Variants in ADAM22 observed in about 807,000 individuals in gnomAD.
ADAM22 encodes disintegrin and metalloproteinase domain-containing protein 22.
A neutral mutation model predicts 144.6 loss-of-function variants in ADAM22; 65 were observed. The ratio of observed to expected loss-of-function variants is 0.45; its 90% CI spans 0.37 to 0.55. ADAM22 has a LOEUF of 0.55. Among genes scored for constraint, ADAM22 ranks in the 20% least tolerant of loss-of-function variants. The pLI is 0.00. For synonymous variants in ADAM22, 391 were observed against 412.6 expected (o/e 0.95, Z 0.63); for missense variants, 974 against 1,184.9 (o/e 0.82, Z 2.61).
intron 3 of ADAM22, among the ~76,000 whole-genome samples, chr7:88,044,124 T>C (rs1378923801): frequency 6.6e-6 from 1 of 152,256 alleles, no homozygotes; most frequent in Non-Finnish European, 1.5e-5. Flanking sequence ...AAAATGATTT[T>C]CAAAATTGTA....
At position 88,170,475 on chromosome 7, in the gene ADAM22, A is replaced by C. The variant is rs553096027; in HGVS notation, c.2283-1069A>C. Reference sequence around the variant, plus strand: ...GAATTAAAAAAAAAAATAAAGTAGAATGCTCATTTGGAACCGTATGGCTCA... The same window carrying C: ...GAATTAAAAAAAAAAATAAAGTAGACTGCTCATTTGGAACCGTATGGCTCA... On this transcript the variant is annotated intron_variant, in intron 25 of 31. Transcript: ENST00000413139. Among the ~76,000 whole-genome samples the C allele has an allele frequency of 5.9e-5, 9 of 152,024 alleles. No individual in the cohort carries two copies. In the East Asian group the frequency reaches 1.7e-3, roughly 29 times the overall value.
intron 3 of ADAM22, among the ~76,000 whole-genome samples, chr7:88,007,874 G>A (rs1407062084): frequency 6.6e-6 from 1 of 152,158 alleles, no homozygotes; most frequent in East Asian, 1.9e-4. Context: ...AGAAGCAATG[G>A]CAACAAAAGC....
intron 4 of ADAM22, among the ~76,000 whole-genome samples, chr7:88,082,827 G>A (rs1254005356): frequency 6.6e-6 from 1 of 152,058 alleles, no homozygotes; most frequent in Non-Finnish European, 1.5e-5. Flanking sequence ...TCATTAAAAA[G>A]TCAGGAAACA....
At chr7:88,078,124 A>T (rs1321986714) in intron 4 of ADAM22, among the ~76,000 whole-genome samples, 1 of 152,202 alleles carries the variant, frequency 6.6e-6, no homozygotes, top group African/African-American at 2.4e-5. Flanking sequence ...CTGACACCTC[A>T]CACAGCTGGG....
At chr7:88,064,767 C>T (rs1234157645) in intron 3 of ADAM22, among the ~76,000 whole-genome samples, 1 of 152,094 alleles carries the variant, frequency 6.6e-6, no homozygotes, top group Admixed American at 6.6e-5. Context: ...CTCCCAAAGG[C>T]CTCACCTCTT....
At chr7:88,084,690 G>A (rs190503811) in intron 4 of ADAM22, among the ~76,000 whole-genome samples, 145 of 152,214 alleles carry the variant, frequency 9.5e-4, no homozygotes, top group Non-Finnish European at 1.5e-3. Flanking sequence ...AATCAAAGTT[G>A]TAACGTTTTA....
At chr7:88,113,130 T>C (rs1356219395) in intron 5 of ADAM22, among the ~76,000 whole-genome samples, 2 of 148,146 alleles carry the variant, frequency 1.4e-5, no homozygotes, top group African/African-American at 5.0e-5. Flanking sequence ...TTTTTTTTTT[T>C]TTTTTTTTTT....
intron 4 of ADAM22, among the ~76,000 whole-genome samples, chr7:88,100,871 C>A (rs1464371240): frequency 6.6e-6 from 1 of 151,848 alleles, no homozygotes; most frequent in African/African-American, 2.4e-5. Context: ...GGGCAGGTTC[C>A]TGATGTTGAT....
At chr7:87,942,324 A>G (rs1842635955) in intron 2 of ADAM22, among the ~76,000 whole-genome samples, 1 of 152,230 alleles carries the variant, frequency 6.6e-6, no homozygotes, top group African/African-American at 2.4e-5. Context: ...CTTGATGTAC[A>G]TTAATTCATT....
rs1311230320 is a variant in ADAM22, at chr7:88,165,750, T to A, written c.2077-82T>A. 7 of 923,572 alleles carry A rather than the reference T, an allele frequency of 7.6e-6. No homozygotes were observed. The East Asian group carries it at 1.9e-4, about 25-fold the overall frequency. The allele number at this position is 923,572 out of a possible 1,614,324, so 57.2% of individuals were successfully genotyped here. On this transcript the variant is annotated intron_variant, in intron 23 of 31. Coordinates refer to ENST00000413139, the MANE Select transcript of ADAM22 (RefSeq NM_001324418.2). ...TTGGAATTACCACATTCTAAGCATA[T>A]AATAATAAGAAATTAGTGTTTATTT...
chr7:88,089,883 G>T (rs1348379162), intron 4 of ADAM22: 1 of 152,140 alleles, frequency 6.6e-6, no homozygotes, highest in Non-Finnish European at 1.5e-5. Flanking sequence ...CATTTTAAGG[G>T]CCGGCTGATG....
intron 2 of ADAM22, among the ~76,000 whole-genome samples, chr7:87,970,784 G>C (rs1380743938): frequency 6.6e-6 from 1 of 152,026 alleles, no homozygotes; most frequent in East Asian, 1.9e-4. Context: ...TAATAAATAG[G>C]CTCCAATCTG....
intron 7 of ADAM22, among the ~76,000 whole-genome samples, chr7:88,125,066 T>C (rs1192595382): frequency 6.6e-6 from 1 of 152,018 alleles, no homozygotes; most frequent in Non-Finnish European, 1.5e-5. Context: ...AGTTGATGTA[T>C]AATTTTCACA....
At chr7:87,948,780 C>T (rs1036562790) in intron 2 of ADAM22, among the ~76,000 whole-genome samples, 4 of 152,070 alleles carry the variant, frequency 2.6e-5, no homozygotes, top group African/African-American at 9.7e-5. Context: ...GGGATTGGGG[C>T]GCCGATAACT....
At position 88,193,113 on chromosome 7, in the gene ADAM22, C is replaced by T. The variant is rs1475130069; in HGVS notation, c.2751-3C>T. On this transcript the variant is annotated splice_polypyrimidine_tract_variant and splice_region_variant and intron_variant, in intron 30 of 31. Transcript: ENST00000413139. Reference sequence around the variant, plus strand: ...TACTTAATTCATGTTCTCAACATCTCAGGACTTTATCTCCTGCCAAGTCTC... The same window carrying T: ...TACTTAATTCATGTTCTCAACATCTTAGGACTTTATCTCCTGCCAAGTCTC... 14 of 1,613,922 alleles carry T rather than the reference C, an allele frequency of 8.7e-6. No homozygotes were observed. The highest frequency in any genetic ancestry group is 1.2e-5 in the Non-Finnish European group (14 of 1,179,894).
At chr7:87,950,371 G>C (rs1844747126) in intron 2 of ADAM22, among the ~76,000 whole-genome samples, 2 of 142,014 alleles carry the variant, frequency 1.4e-5, no homozygotes, top group South Asian at 4.5e-4. Context: ...TCCCATCTAT[G>C]AGTGAGAACA....
chr7:87,935,142 G>T lies in ADAM22; in HGVS notation c.202G>T (p.Asp68Tyr), dbSNP rs1340142898. 2 of 1,612,986 alleles carry T rather than the reference G, an allele frequency of 1.2e-6. No homozygotes were observed. The highest frequency in any genetic ancestry group is 2.2e-5 in the South Asian group (2 of 91,030). The change falls in exon 2 of 32, where the codon GAC becomes TAC. Residue 68 changes from aspartate (D) to tyrosine (Y), a missense_variant. Asp to Tyr is a radical substitution (Grantham distance 160). Around this residue, in one of 2 missense-constraint regions of ADAM22, gnomAD observed 240 missense variants for 234.3 expected, o/e 1.02. Coordinates refer to ENST00000413139, the MANE Select transcript of ADAM22 (RefSeq NM_001324418.2). ...RSGGEDESRH[D>Y]ALDTRVRGDL... is the part of the protein sequence containing the mutation. Reference sequence around the variant, plus strand: ...GGGCGGCGAAGACGAAAGTCGGCACGACGCGCTCGACACGCGGGTGCGGGG... The same window carrying T: ...GGGCGGCGAAGACGAAAGTCGGCACTACGCGCTCGACACGCGGGTGCGGGG...
chr7:88,145,011 A>G (rs1344332062), intron 15 of ADAM22, 114 bp from the exon 16 acceptor site: 4 of 804,320 alleles, frequency 5.0e-6, no homozygotes, highest in African/African-American at 1.7e-5. Flanking sequence ...AAATAAAACT[A>G]TATTTTAGAA....
chr7:88,173,174 G>A (rs1450880263), intron 26 of ADAM22, among the ~76,000 whole-genome samples: 2 of 151,960 alleles, frequency 1.3e-5, no homozygotes, highest in Non-Finnish European at 2.9e-5. Context: ...CAAATTTCTT[G>A]TTCTAACTCA....
Sources: gnomAD v4.1 joint callset for allele counts (sites outside exome capture counted in the v4.1 genomes callset) on GRCh38, gnomAD v4.1.1 for gene constraint, gnomAD v4.1.1 regional missense constraint, MANE v1.5 for transcripts, NCBI Gene and HGNC (gene_info 2026-07-23, HGNC 2026-07-21) for gene names.